The following LRP1B variants were observed in gnomAD, a reference collection of about 807,000 sequenced individuals.
LRP1B encodes low-density lipoprotein receptor-related protein 1B.
A neutral mutation model predicts 556.6 loss-of-function variants in LRP1B; 217 were observed. The observed-to-expected ratio is 0.39, with a 90% CI of 0.35 to 0.44. The LOEUF (loss-of-function observed/expected upper bound fraction) is 0.44, where lower values mean the gene tolerates loss of function less well. LRP1B is among the 20% of genes least tolerant of loss of function. The pLI, the probability that LRP1B is intolerant of heterozygous loss-of-function variation, is 1.00. For missense variants in LRP1B, 5,053 were observed against 5,620.8 expected, an observed-to-expected ratio of 0.90 and a Z score of 3.23; for synonymous variants, 2,047 against 1,865.8, an observed-to-expected ratio of 1.10 and a Z score of -2.50.
At chr2:141,728,945 G>A (rs1254152221) in intron 2 of LRP1B, among the ~76,000 whole-genome samples, 2 of 152,080 alleles carry the variant, frequency 1.3e-5, no homozygotes, top group Non-Finnish European at 2.9e-5. Flanking sequence ...GGTGGAGAGG[G>A]GGGTGCCAGG....
At chr2:141,914,275 A>G (rs1357225961) in intron 1 of LRP1B, among the ~76,000 whole-genome samples, 3 of 152,276 alleles carry the variant, frequency 2.0e-5, no homozygotes, top group African/African-American at 7.2e-5. Flanking sequence ...TAAAAGATAA[A>G]GTGATTGGCA....
chr2:141,882,356 T>G (rs139309883), intron 1 of LRP1B, among the ~76,000 whole-genome samples: 20 of 152,194 alleles, frequency 1.3e-4, no homozygotes, highest in Middle Eastern at 3.4e-3. Context: ...ATTTGAAGAT[T>G]ACGACAACAG....
rs867467038 is a variant in LRP1B, at chr2:140,850,223, A to G, written c.4818T>C (p.Asp1606=). 9 of 1,612,934 alleles carry G rather than the reference A, an allele frequency of 5.6e-6. No individual in the cohort carries two copies. The Middle Eastern group carries it at 1.2e-3, about 207-fold the overall frequency. Reference sequence around the variant, plus strand: ...CATCGAAGTCTATCACAGTAACGTCATCAATATCAGGGACTGTAAATGCCG... The same window carrying G: ...CATCGAAGTCTATCACAGTAACGTCGTCAATATCAGGGACTGTAAATGCCG... ...FITAFTVPDI[D]DVTVIDFDAS... is the part of the protein sequence containing the mutation. Residue 1606 remains aspartate (D), a synonymous_variant, in exon 29 of 91, where the codon GAT becomes GAC. Transcript: ENST00000389484.
At chr2:141,105,918 TAAA>T (rs199979359) in intron 7 of LRP1B, among the ~76,000 whole-genome samples, 2 of 150,684 alleles carry the variant, frequency 1.3e-5, no homozygotes, top group African/African-American at 2.4e-5. Context: ...ATCATCCTCT[TAAA>T]AAAAAAGCTG....
At chr2:142,037,136 G>A (rs1252618162) in intron 1 of LRP1B, among the ~76,000 whole-genome samples, 1 of 151,560 alleles carries the variant, frequency 6.6e-6, no homozygotes, top group Non-Finnish European at 1.5e-5. Flanking sequence ...AACAAAGACA[G>A]ACAAAAACCC....
At chr2:141,619,858 C>T (rs529721625) in intron 2 of LRP1B, among the ~76,000 whole-genome samples, 1 of 152,254 alleles carries the variant, frequency 6.6e-6, no homozygotes, top group African/African-American at 2.4e-5. Context: ...CATGATCCAC[C>T]CACTCTAAAA....
chr2:140,771,089 A>T (rs533023733), intron 33 of LRP1B, 83 bp from the exon 34 acceptor site: 1 of 934,276 alleles, frequency 1.1e-6, no homozygotes, highest in African/African-American at 1.7e-5. Flanking sequence ...AATTTGACAA[A>T]TATGTATGCT....
At chr2:140,277,718 C>T (rs4569411) in intron 84 of LRP1B, among the ~76,000 whole-genome samples, 80,647 of 151,762 alleles carry the variant, frequency 0.53, 24,475 homozygotes, top group Non-Finnish European at 0.68. Flanking sequence ...AATGAAATAC[C>T]GATACACACC....
At chr2:140,936,917 C>A (rs755789124) in intron 20 of LRP1B, among the ~76,000 whole-genome samples, 5 of 151,920 alleles carry the variant, frequency 3.3e-5, no homozygotes, top group Non-Finnish European at 5.9e-5. Flanking sequence ...ACTTTTGCAC[C>A]AACCTAATAT....
chr2:141,362,672 A>G (rs1200904620), intron 3 of LRP1B, among the ~76,000 whole-genome samples: 1 of 152,224 alleles, frequency 6.6e-6, no homozygotes, highest in Non-Finnish European at 1.5e-5. Context: ...TTCTTCCTTA[A>G]CAAGTTGTAT....
Position 142,044,625 on chromosome 2 carries a change from A to AT in LRP1B, c.82+86022dup, listed in dbSNP as rs1010565804. On this transcript the variant is annotated intron_variant, in intron 1 of 90. Transcript: ENST00000389484. ...GACAGAGTACTTTTTTAAAAAGCAAATTTTTTTTTGTGGATTACACAATCG... is the reference window on the plus strand; with the variant it reads ...GACAGAGTACTTTTTTAAAAAGCAAATTTTTTTTTTGTGGATTACACAATCG... Among the ~76,000 whole-genome samples the AT allele has an allele frequency of 1.9e-3, 286 of 151,186 alleles. 1 individual carries two copies. The highest frequency in any genetic ancestry group is 6.6e-3 in the African/African-American group (271 of 41,322).
At chr2:141,225,194 C>G (rs1683196239) in intron 6 of LRP1B, among the ~76,000 whole-genome samples, 1 of 152,108 alleles carries the variant, frequency 6.6e-6, no homozygotes, top group African/African-American at 2.4e-5. Context: ...GTATACTCTA[C>G]TGGATTGGAG....
chr2:140,291,320 T>TATATATA lies in LRP1B; in HGVS notation c.12967+6487_12967+6488insTATATAT, dbSNP rs745524571. On this transcript the variant is annotated intron_variant, in intron 84 of 90. Coordinates refer to ENST00000389484, the MANE Select transcript of LRP1B (RefSeq NM_018557.3). ...ATTTTATATATATATATATATATATTTTTATTATACTTTAAGTTCTAGGGT... is the reference window on the plus strand; with the variant it reads ...ATTTTATATATATATATATATATATTATATATATTTATTATACTTTAAGTTCTAGGGT... Among the ~76,000 whole-genome samples the TATATATA allele has an allele frequency of 6.1e-3, 314 of 51,794 alleles. 36 individuals are homozygous for TATATATA. Among genetic ancestry groups the TATATATA allele is most frequent in the Middle Eastern group, 0.011 (1 of 92 alleles). 34.0% of individuals were successfully genotyped at this position (51,794 alleles called of 152,430 possible).
intron 41 of LRP1B, among the ~76,000 whole-genome samples, chr2:140,620,881 G>A (rs1234002176): frequency 1.3e-5 from 2 of 151,984 alleles, no homozygotes; most frequent in East Asian, 3.9e-4. Context: ...AAATTAACAT[G>A]AAGTTAACAT....
intron 3 of LRP1B, among the ~76,000 whole-genome samples, chr2:141,326,931 G>C (rs1348869508): frequency 2.0e-5 from 3 of 152,086 alleles, no homozygotes; most frequent in African/African-American, 7.2e-5. Flanking sequence ...AGAGAAGTCA[G>C]GGGAAATATC....
intron 2 of LRP1B, among the ~76,000 whole-genome samples, chr2:141,711,035 G>C (rs1026408663): frequency 6.6e-6 from 1 of 152,102 alleles, no homozygotes; most frequent in Non-Finnish European, 1.5e-5. Context: ...CATTGCTTCT[G>C]CCAGTGTTCT....
chr2:141,529,678 C>A (rs1305555428), intron 2 of LRP1B, among the ~76,000 whole-genome samples: 6 of 152,100 alleles, frequency 3.9e-5, no homozygotes, highest in African/African-American at 1.4e-4. Flanking sequence ...TGCAAATGAA[C>A]CCTGAAAAAA....
chr2:141,709,486 T>C lies in LRP1B; in HGVS notation c.205+100793A>G, dbSNP rs182066600. Among the ~76,000 whole-genome samples, 226 of 152,318 alleles carry C rather than the reference T, an allele frequency of 1.5e-3. 1 individual carries two copies. The highest frequency in any genetic ancestry group is 2.7e-3 in the Non-Finnish European group (183 of 68,024). On this transcript the variant is annotated intron_variant, in intron 2 of 90. Coordinates refer to ENST00000389484, the MANE Select transcript of LRP1B (RefSeq NM_018557.3). ...TGGGCAGCGATGCATTTTGTAAAGA[T>C]ACCGAGGAAGTACTAATGATGCCTT...
At chr2:140,462,036 G>T (rs1242660337) in intron 60 of LRP1B, among the ~76,000 whole-genome samples, 1 of 152,172 alleles carries the variant, frequency 6.6e-6, no homozygotes, top group African/African-American at 2.4e-5. Context: ...TAAACAATCA[G>T]TGATCCATTA....
Sources: allele counts gnomAD v4.1 joint callset (sites outside exome capture counted in the v4.1 genomes callset), GRCh38; gene constraint gnomAD v4.1.1; transcripts MANE v1.5; gene names NCBI Gene and HGNC (gene_info 2026-07-23, HGNC 2026-07-21).